Variants in AMPD3 observed in about 807,000 individuals in gnomAD.
The protein encoded by AMPD3 is adenosine monophosphate deaminase 3.
In AMPD3, 57 loss-of-function variants were observed where a neutral mutation model predicts 82.3. The observed-to-expected ratio is 0.69, with a 90% CI of 0.56 to 0.86. The LOEUF (loss-of-function observed/expected upper bound fraction) is 0.86. Ranked by LOEUF, AMPD3 falls within the 40% of genes least tolerant of loss-of-function variation. The pLI, the probability that AMPD3 is intolerant of heterozygous loss-of-function variation, is 0.00. For synonymous variants in AMPD3, 381 were observed against 394.7 expected (o/e 0.97, Z 0.41); for missense variants, 870 against 1,003.8 (o/e 0.87, Z 1.80).
chr11:10,483,194 G>A lies in AMPD3; in HGVS notation c.589+969G>A, dbSNP rs539726187. Reference sequence around the variant, plus strand: ...TGCCGAGTTCAGGGAAGGGGAGGTCGGAGAGGGCTAGGTGGTTTCCTCATG... The same window carrying A: ...TGCCGAGTTCAGGGAAGGGGAGGTCAGAGAGGGCTAGGTGGTTTCCTCATG... On this transcript the variant is annotated intron_variant, in intron 4 of 14. Coordinates refer to ENST00000396553, the MANE Select transcript of AMPD3 (RefSeq NM_001025389.2). 1.2e-4 allele frequency among the ~76,000 whole-genome samples: 18 copies of A among 152,226 alleles called. No homozygotes were observed. In the South Asian group the frequency reaches 3.5e-3, roughly 30 times the overall value.
Position 10,502,845 on chromosome 11 carries a change from T to G in AMPD3, c.1967T>G (p.Leu656Arg). 6.2e-7 allele frequency: 1 copy of G among 1,614,234 alleles called. No individual in the cohort carries two copies. Among genetic ancestry groups the G allele is most frequent in the Non-Finnish European group, 8.5e-7 (1 of 1,180,028 alleles). ...NPLREFLHKG[L>R]HVSLSTDDPM... ...CTGAGGGAATTCCTACACAAGGGAC[T>G]GCATGTTTCTCTTTCCACCGATGAC... Residue 656 changes from leucine (L) to arginine (R), a missense_variant, in exon 13 of 15, where the codon CTG becomes CGG. Physicochemically the swap from Leu to Arg is moderately radical, Grantham distance 102. Transcript: ENST00000396553.
upstream of AMPD3, chr11:10,450,434 C>T (rs1847931877): frequency 1.0e-6 from 1 of 985,956 alleles, no homozygotes; most frequent in Non-Finnish European, 1.2e-6. Flanking sequence ...GCTGCAACTA[C>T]AGGGAGCAAG....
intron 2 of AMPD3, among the ~76,000 whole-genome samples, chr11:10,466,791 G>T (rs765387538): frequency 8.5e-5 from 13 of 152,204 alleles, no homozygotes; most frequent in Non-Finnish European, 1.9e-4. Flanking sequence ...ATACAGGAGA[G>T]CTCTGGCTGG....
At chr11:10,475,280 C>T (rs1023184399) in intron 2 of AMPD3, among the ~76,000 whole-genome samples, 1 of 152,096 alleles carries the variant, frequency 6.6e-6, no homozygotes, top group Non-Finnish European at 1.5e-5. Flanking sequence ...AGAACAGCAC[C>T]AAGGAGATGG....
chr11:10,456,013 A>C lies in AMPD3; in HGVS notation c.-6+565A>C. 2.0e-6 allele frequency: 2 copies of C among 985,434 alleles called. No individual in the cohort carries two copies. Among genetic ancestry groups the C allele is most frequent in the Non-Finnish European group, 2.4e-6 (2 of 829,936 alleles). The allele number at this position is 985,434 out of a possible 1,614,324, so 61.0% of individuals were successfully genotyped here. On this transcript the variant is annotated intron_variant, in intron 1 of 14. Coordinates refer to ENST00000396553, the MANE Select transcript of AMPD3 (RefSeq NM_001025389.2). The surrounding 1 kb of genome is among the most constrained non-coding windows in gnomAD (Gnocchi z 4.3). ...TGTGGCTTATCTCCTGCAGCTGGGC[A>C]GGACGGCTGAGTTTACTGTTGTAAA...
rs368531216 is a variant in AMPD3, at chr11:10,481,565, C to T, written c.427-498C>T. The T allele has an allele frequency of 1.2e-5, 11 of 910,086 alleles. No homozygotes were observed. The East Asian group carries it at 9.5e-4, about 78-fold the overall frequency. The allele number at this position is 910,086 out of a possible 1,614,324, so 56.4% of individuals were successfully genotyped here. A position where few individuals can be genotyped will look rare whatever the true frequency, so the allele number is the denominator to read the frequency against. On this transcript the variant is annotated intron_variant, in intron 3 of 14. Coordinates refer to ENST00000396553, the MANE Select transcript of AMPD3 (RefSeq NM_001025389.2). ...GGTTGGATGATTCACCAGGAGGACT[C>T]ACAGGACTCAGCATATAGCTGTACT...
At chr11:10,488,152 C>T (rs1040826114) in intron 6 of AMPD3, 2 of 955,252 alleles carry the variant, frequency 2.1e-6, no homozygotes, top group Admixed American at 1.2e-4. Context: ...TTGTCCGGGG[C>T]TCCTGGCAGT....
intron 11 of AMPD3, chr11:10,501,080 G>A: frequency 1.0e-6 from 1 of 985,400 alleles, no homozygotes; most frequent in Non-Finnish European, 1.2e-6. Context: ...ATGGAACATA[G>A]ACTTCACTCT....
chr11:10,482,360 C>G (rs950547879), intron 4 of AMPD3, 135 bp downstream of exon 4: 1 of 1,034,942 alleles, frequency 9.7e-7, no homozygotes, highest in African/African-American at 1.6e-5. Flanking sequence ...TTCTCCCACA[C>G]TGATGTTTGA....
intron 7 of AMPD3, chr11:10,493,824 T>C: frequency 5.7e-6 from 3 of 524,148 alleles, no homozygotes; most frequent in Non-Finnish European, 1.0e-5. Flanking sequence ...CAGAAGCCTT[T>C]ATTTCCTTGC....
intron 6 of AMPD3, among the ~76,000 whole-genome samples, chr11:10,491,674 G>A (rs914522354): frequency 1.3e-5 from 2 of 152,200 alleles, no homozygotes; most frequent in African/African-American, 2.4e-5. Context: ...ACTGAGGGAA[G>A]GGAGTAGTAG....
At chr11:10,486,881 TA>T in intron 5 of AMPD3, 1 of 985,446 alleles carries the variant, frequency 1.0e-6, no homozygotes. Context: ...TTCCCAGGCA[TA>T]AACCAGTTTA....
rs576456981 is a variant in AMPD3, at chr11:10,480,022, T to G, written c.426+1292T>G. On this transcript the variant is annotated intron_variant, in intron 3 of 14. Transcript: ENST00000396553. ...GAGTCGAGGTGGGTCGGCCACCAGC[T>G]GAATGGGAGGATGTCAGCCTGTAGC... 19 of 930,292 alleles carry G rather than the reference T, an allele frequency of 2.0e-5. No homozygotes were observed. The South Asian group carries it at 8.9e-4, about 44-fold the overall frequency. 57.6% of individuals were successfully genotyped at this position (930,292 alleles called of 1,614,324 possible).
At chr11:10,487,154 GC>G in intron 5 of AMPD3, 80 bp from the exon 6 acceptor site, 1 of 1,603,252 alleles carries the variant, frequency 6.2e-7, no homozygotes, top group South Asian at 1.1e-5. Flanking sequence ...GCCAGGGTTG[GC>G]CCCTGCAGAT....
Position 10,485,117 on chromosome 11 carries a change from C to T in AMPD3, c.809+78C>T. 4.3e-6 allele frequency: 6 copies of T among 1,397,308 alleles called. No individual in the cohort carries two copies. The South Asian group carries it at 6.1e-5, about 14-fold the overall frequency. The allele number at this position is 1,397,308 out of a possible 1,614,324, so 86.6% of individuals were successfully genotyped here. A position where few individuals can be genotyped will look rare whatever the true frequency, so the allele number is the denominator to read the frequency against. On this transcript the variant is annotated intron_variant, in intron 5 of 14. Transcript: ENST00000396553. ...GAAGGAGATGAGAAAGGCCTCACCCCTCTGCCCTGGGGTCCCCTGTACTTA... is the reference window on the plus strand; with the variant it reads ...GAAGGAGATGAGAAAGGCCTCACCCTTCTGCCCTGGGGTCCCCTGTACTTA...
At chr11:10,465,479 A>G (rs984216494) in intron 2 of AMPD3, among the ~76,000 whole-genome samples, 2 of 152,244 alleles carry the variant, frequency 1.3e-5, no homozygotes, top group Non-Finnish European at 2.9e-5. Flanking sequence ...AGATCGATGC[A>G]GAAGGGGGTG....
chr11:10,467,511 G>A (rs773073877), intron 2 of AMPD3, among the ~76,000 whole-genome samples: 4 of 152,148 alleles, frequency 2.6e-5, no homozygotes, highest in Non-Finnish European at 5.9e-5. Context: ...AGAAATATGG[G>A]ACTATGTGCA....
chr11:10,493,796 G>T (rs1849311931), intron 7 of AMPD3: 1 of 572,220 alleles, frequency 1.7e-6, no homozygotes, highest in African/African-American at 1.9e-5. Flanking sequence ...TAGGAGTTTT[G>T]TGCCCTTAGG....
At chr11:10,452,463 G>A (rs11042812), upstream of AMPD3, among the ~76,000 whole-genome samples, 59,651 of 151,800 alleles carry the variant, frequency 0.39, 12,812 homozygotes, top group East Asian at 0.69. Context: ...ATGAGCTCAT[G>A]GCTGGAGTCC....
Sources: gnomAD v4.1 joint callset for allele counts (sites outside exome capture counted in the v4.1 genomes callset) on GRCh38, gnomAD v4.1.1 for gene constraint, Gnocchi (gnomAD v3.1) non-coding constraint, MANE v1.5 for transcripts, NCBI Gene and HGNC (gene_info 2026-07-23, HGNC 2026-07-21) for gene names.